Variants in PALLD observed in about 807,000 individuals in gnomAD.
PALLD encodes palladin, cytoskeletal associated protein.
In PALLD, 61 loss-of-function variants were observed where a neutral mutation model predicts 123.5. That is an observed-to-expected ratio of 0.49 (90% CI 0.40 to 0.61). PALLD has a LOEUF of 0.61. Among genes scored for constraint, PALLD ranks in the 20% least tolerant of loss-of-function variants. PALLD has a pLI of 0.00. For missense variants in PALLD, 1,273 were observed against 1,377.0 expected (o/e 0.92, Z 1.20); for synonymous variants, 465 against 496.4 (o/e 0.94, Z 0.84).
chr4:168,805,782 C>T (rs1439143908), intron 10 of PALLD, among the ~76,000 whole-genome samples: 1 of 152,190 alleles, frequency 6.6e-6, no homozygotes, highest in Non-Finnish European at 1.5e-5. Context: ...TCATAGATTT[C>T]CCTGCTTCTC....
At chr4:168,561,316 C>A (rs1275195151) in intron 2 of PALLD, among the ~76,000 whole-genome samples, 3 of 152,094 alleles carry the variant, frequency 2.0e-5, no homozygotes, top group African/African-American at 7.2e-5. Context: ...GGCTAGAGTG[C>A]AGTGCCACAA....
Position 168,878,006 on chromosome 4 carries a change from G to T in PALLD, c.1965-12916G>T. The T allele has an allele frequency of 7.3e-6, 11 of 1,497,384 alleles. No individual in the cohort carries two copies. The highest frequency in any genetic ancestry group is 9.7e-6 in the Non-Finnish European group (11 of 1,129,234). The allele number at this position is 1,497,384 out of a possible 1,614,324, so 92.8% of individuals were successfully genotyped here. A position where few individuals can be genotyped will look rare whatever the true frequency, so the allele number is the denominator to read the frequency against. On this transcript the variant is annotated intron_variant, in intron 10 of 21. Transcript: ENST00000505667. ...GAACCTCGGGCCCGCGTCGGGCCAC[G>T]GCACGCCGGCCTCCAGCCCCAGCTC...
chr4:168,925,239 G>A lies in PALLD; in HGVS notation c.3365G>A (p.Arg1122Gln), dbSNP rs184419827. The A allele has an allele frequency of 2.7e-5, 43 of 1,608,644 alleles. No homozygotes were observed. The East Asian group carries it at 6.2e-4, about 23-fold the overall frequency. ...CTARLDVYIS[R>Q]H ...TCTCTCTTTCTATTTGTAGTTTCTC[G>A]ACATTAATAGTGAACCACACCAGGA... Residue 1122 changes from arginine (R) to glutamine (Q), a missense_variant, in exon 21 of 22, where the codon CGA becomes CAA. By Grantham distance (43) the Arg-to-Gln change is conservative. Transcript: ENST00000505667.
At chr4:168,763,790 A>G (rs1227804622) in intron 10 of PALLD, among the ~76,000 whole-genome samples, 1 of 152,174 alleles carries the variant, frequency 6.6e-6, no homozygotes, top group Non-Finnish European at 1.5e-5. Flanking sequence ...ATCCAGAACC[A>G]AAAAGAAATG....
At chr4:168,670,387 C>G (rs1433276600) in intron 3 of PALLD, among the ~76,000 whole-genome samples, 1 of 152,182 alleles carries the variant, frequency 6.6e-6, no homozygotes, top group African/African-American at 2.4e-5. Context: ...GAGACAATTC[C>G]TGATATCAAG....
intron 2 of PALLD, among the ~76,000 whole-genome samples, chr4:168,634,340 A>G (rs1326898415): frequency 1.3e-5 from 2 of 152,190 alleles, no homozygotes; most frequent in Non-Finnish European, 2.9e-5. Context: ...AGCCCCAAAG[A>G]TGGTGGGGCT....
chr4:168,822,264 A>AT (rs1343184323), intron 10 of PALLD, among the ~76,000 whole-genome samples: 1 of 55,356 alleles, frequency 1.8e-5, no homozygotes, highest in Non-Finnish European at 3.8e-5. Flanking sequence ...TTGGTTTTAG[A>AT]TTTTTTTCTT....
chr4:168,722,051 G>A (rs1786074412), intron 10 of PALLD, among the ~76,000 whole-genome samples: 1 of 152,082 alleles, frequency 6.6e-6, no homozygotes, highest in Non-Finnish European at 1.5e-5. Flanking sequence ...ATATATGTAT[G>A]TATGTATTTT....
chr4:168,764,766 C>T (rs59726660), intron 10 of PALLD, among the ~76,000 whole-genome samples: 1,988 of 152,076 alleles, frequency 0.013, 43 homozygotes, highest in African/African-American at 0.045. Flanking sequence ...TAGAGATGAC[C>T]GTACCATCTC....
At position 168,602,552 on chromosome 4, in the gene PALLD, C is replaced by T. The variant is rs539205361; in HGVS notation, c.909-65638C>T. Among the ~76,000 whole-genome samples the T allele has an allele frequency of 1.9e-3, 290 of 152,294 alleles. 1 individual carries two copies. The highest frequency in any genetic ancestry group is 6.6e-3 in the African/African-American group (274 of 41,560). On this transcript the variant is annotated intron_variant, in intron 2 of 21. Coordinates refer to ENST00000505667, the MANE Select transcript of PALLD (RefSeq NM_001166108.2). ...GTATGAAGGCACAGTGGGATTTGCC[C>T]GTGTTCAGCAGGCTGAACTCTAGCT...
chr4:168,700,017 AGATGTCTTATACGTCTTTGTTCG>A, intron 8 of PALLD: 1 of 271,084 alleles, frequency 3.7e-6, no homozygotes, highest in Non-Finnish European at 7.4e-6. Flanking sequence ...TTTATTTTAC[AGATGTCTTATACGTCTTTGTTCG>A]AGTGAGATGC....
intron 2 of PALLD, among the ~76,000 whole-genome samples, chr4:168,536,831 C>CTTT (rs11393140): frequency 1.9e-4 from 27 of 144,456 alleles, no homozygotes; most frequent in African/African-American, 6.9e-4. Context: ...AAGGTTCTCT[C>CTTT]TTTTTTTTTT....
At chr4:168,862,862 A>G (rs1173038249) in intron 10 of PALLD, among the ~76,000 whole-genome samples, 5 of 152,198 alleles carry the variant, frequency 3.3e-5, no homozygotes, top group Non-Finnish European at 5.9e-5. Flanking sequence ...TATCCCTTAC[A>G]TAAGGATTGA....
At chr4:168,842,991 C>T (rs1746265954) in intron 10 of PALLD, among the ~76,000 whole-genome samples, 1 of 152,100 alleles carries the variant, frequency 6.6e-6, no homozygotes, top group Admixed American at 6.6e-5. Context: ...AGACGGGGGT[C>T]CCACAAATGT....
chr4:168,825,688 C>T (rs747485900), intron 10 of PALLD, among the ~76,000 whole-genome samples: 5 of 152,054 alleles, frequency 3.3e-5, no homozygotes, highest in Non-Finnish European at 7.4e-5. Flanking sequence ...CTTCTGAAAA[C>T]GGCGCTGCAA....
At chr4:168,544,336 A>G (rs887028022) in intron 2 of PALLD, among the ~76,000 whole-genome samples, 3 of 152,254 alleles carry the variant, frequency 2.0e-5, no homozygotes, top group African/African-American at 7.2e-5. Context: ...GGCCCTGTGG[A>G]TATCAAAATA....
chr4:168,770,172 C>T (rs1734200464), intron 10 of PALLD, among the ~76,000 whole-genome samples: 1 of 152,212 alleles, frequency 6.6e-6, no homozygotes, highest in Non-Finnish European at 1.5e-5. Flanking sequence ...GCAACATCTA[C>T]TCTGGAAACG....
At chr4:168,771,668 T>C (rs1734467163) in intron 10 of PALLD, among the ~76,000 whole-genome samples, 1 of 152,140 alleles carries the variant, frequency 6.6e-6, no homozygotes, top group African/African-American at 2.4e-5. Context: ...ATAGAGGGCT[T>C]GTCTACACTT....
rs777944953 is a variant in PALLD at position 168,711,685 on chromosome 4, T to G, written c.1726T>G (p.Leu576Val). Residue 576 changes from leucine (L) to valine (V), a missense_variant, in exon 10 of 22, where the codon TTG becomes GTG. By Grantham distance (32) the Leu-to-Val change is conservative. Around this residue, in one of 2 missense-constraint regions of PALLD, gnomAD observed 944 missense variants for 954.5 expected, o/e 0.99. Coordinates refer to ENST00000505667, the MANE Select transcript of PALLD (RefSeq NM_001166108.2). ...AATCTTGGAGACAAGTTCCTTGGAG[T>G]TGGCTTCAAAGAAACCATCTGAGAT... ...PPILETSSLE[L>V]ASKKPSEIQQ... The G allele has an allele frequency of 1.2e-6, 2 of 1,613,946 alleles. No homozygotes were observed. The highest frequency in any genetic ancestry group is 1.7e-6 in the Non-Finnish European group (2 of 1,179,874).
Sources: allele counts gnomAD v4.1 joint callset (sites outside exome capture counted in the v4.1 genomes callset), GRCh38; gene constraint gnomAD v4.1.1; regional missense constraint gnomAD v4.1.1; transcripts MANE v1.5; gene names NCBI Gene and HGNC (gene_info 2026-07-23, HGNC 2026-07-21).